The following BCAS3 variants were observed in gnomAD, a reference collection of about 807,000 sequenced individuals.
BCAS3 encodes BCAS3 microtubule associated cell migration factor.
Under a neutral mutation model 116.1 loss-of-function variants are expected in BCAS3, and 53 were observed. The ratio of observed to expected loss-of-function variants is 0.46; its 90% CI spans 0.37 to 0.57. The LOEUF (loss-of-function observed/expected upper bound fraction) is 0.57, where lower values mean the gene tolerates loss of function less well. Among genes scored for constraint, BCAS3 ranks in the 20% least tolerant of loss-of-function variants. The pLI, the probability that BCAS3 is intolerant of heterozygous loss-of-function variation, is 0.00. For missense variants in BCAS3, 917 were observed against 1,165.4 expected (o/e 0.79, Z 3.10); for synonymous variants, 391 against 408.2 (o/e 0.96, Z 0.51).
At chr17:61,143,328 T>A (rs2143949738) in intron 22 of BCAS3, among the ~76,000 whole-genome samples, 1 of 152,314 alleles carries the variant, frequency 6.6e-6, no homozygotes, top group African/African-American at 2.4e-5. Context: ...ATACCATACT[T>A]TAATATCAAT....
chr17:60,704,792 T>C (rs112377912), intron 4 of BCAS3, among the ~76,000 whole-genome samples: 10,520 of 151,540 alleles, frequency 0.069, 1,225 homozygotes, highest in African/African-American at 0.24. Context: ...TAGCTGAGAT[T>C]GTGCCACTGC....
chr17:61,357,269 T>TAAA lies in BCAS3; in HGVS notation c.2426-11058_2426-11057insAAA, dbSNP rs1441172159. ...AAAAATAAATAAATAAATAAATAAA[T>TAAA]TAATTAATTAAATAAATAAATAAAT... is the stretch of plus-strand genomic sequence containing the variant. On this transcript the variant is annotated intron_variant, in intron 22 of 23. Transcript: ENST00000407086. Among the ~76,000 whole-genome samples, 495 of 146,694 alleles carry TAAA rather than the reference T, an allele frequency of 3.4e-3. 1 individual carries two copies. The highest frequency in any genetic ancestry group is 0.012 in the African/African-American group (463 of 40,256).
chr17:61,121,499 C>G (rs1282459564), intron 22 of BCAS3, among the ~76,000 whole-genome samples: 10 of 151,990 alleles, frequency 6.6e-5, no homozygotes, highest in Admixed American at 6.6e-5. Context: ...TTTTAATGAA[C>G]TTAGAAGAGT....
chr17:60,829,906 T>TA (rs2050764109), intron 7 of BCAS3, among the ~76,000 whole-genome samples: 1 of 152,202 alleles, frequency 6.6e-6, no homozygotes, highest in Admixed American at 6.5e-5. Flanking sequence ...ATGTGCTTTT[T>TA]CTCCACTGGT....
At chr17:60,856,251 A>T (rs901579497) in intron 7 of BCAS3, among the ~76,000 whole-genome samples, 1 of 152,192 alleles carries the variant, frequency 6.6e-6, no homozygotes, top group African/African-American at 2.4e-5. Flanking sequence ...TTTTTTATTA[A>T]TGGAAGAAGG....
At chr17:61,125,109 G>A (rs1481527549) in intron 22 of BCAS3, among the ~76,000 whole-genome samples, 1 of 152,160 alleles carries the variant, frequency 6.6e-6, no homozygotes, top group East Asian at 1.9e-4. Flanking sequence ...CTAGGTATGT[G>A]TATATTTTTC....
chr17:61,084,416 G>T lies in BCAS3; in HGVS notation c.2328-51G>T. On this transcript the variant is annotated intron_variant, in intron 21 of 23. Coordinates refer to ENST00000407086, the MANE Select transcript of BCAS3 (RefSeq NM_017679.5). This position sits in a 1 kb window ranked among gnomAD's most constrained non-coding sequence, Gnocchi z 5.5. ...TGATTTAAGGTCATTTGTAGCAAGT[G>T]ACAGTTTTGATGCCAGTAACATATG... 1 of 1,430,768 alleles carries T rather than the reference G, an allele frequency of 7.0e-7. No homozygotes were observed. Among genetic ancestry groups the T allele is most frequent in the South Asian group, 1.2e-5 (1 of 83,158 alleles). 88.6% of individuals were successfully genotyped at this position (1,430,768 alleles called of 1,614,324 possible). A position where few individuals can be genotyped will look rare whatever the true frequency, so the allele number is the denominator to read the frequency against.
intron 3 of BCAS3, among the ~76,000 whole-genome samples, chr17:60,684,671 T>C (rs1388904289): frequency 6.6e-6 from 1 of 152,128 alleles, no homozygotes; most frequent in African/African-American, 2.4e-5. Context: ...TGGTAACTGG[T>C]AACTTGTAGC....
intron 15 of BCAS3, among the ~76,000 whole-genome samples, chr17:60,992,773 T>A (rs2063611232): frequency 1.3e-5 from 2 of 152,250 alleles, no homozygotes; most frequent in African/African-American, 4.8e-5. Flanking sequence ...TTTCAGCTAT[T>A]TGCTAGACAT....
rs544728330 is a variant in BCAS3 at position 61,203,448 on chromosome 17, G to A, written c.2425+118884G>A. Among the ~76,000 whole-genome samples the A allele has an allele frequency of 7.2e-5, 11 of 152,212 alleles. No individual in the cohort carries two copies. The highest frequency in any genetic ancestry group is 1.9e-4 in the East Asian group (1 of 5,172). The stretch of plus-strand genomic sequence containing the variant: ...TGGTATCACAGGTGTGAGCCACCGC[G>A]CCTGGGCTTCATTACAATTTTTATT... On this transcript the variant is annotated intron_variant, in intron 22 of 23. Coordinates refer to ENST00000407086, the MANE Select transcript of BCAS3 (RefSeq NM_017679.5). This position sits in a 1 kb window ranked among gnomAD's most constrained non-coding sequence, Gnocchi z 5.7.
At chr17:61,070,713 A>G (rs1396738657) in intron 19 of BCAS3, among the ~76,000 whole-genome samples, 1 of 152,140 alleles carries the variant, frequency 6.6e-6, no homozygotes, top group Non-Finnish European at 1.5e-5. Context: ...CTTCCCACAG[A>G]TAATTTATCC....
At chr17:61,280,983 A>C (rs2051193948) in intron 22 of BCAS3, among the ~76,000 whole-genome samples, 1 of 152,232 alleles carries the variant, frequency 6.6e-6, no homozygotes. Flanking sequence ...AAAATCAGGC[A>C]CAAAATGGTA....
intron 22 of BCAS3, among the ~76,000 whole-genome samples, chr17:61,164,179 CAT>C (rs1422714663): frequency 1.7e-4 from 26 of 149,680 alleles, no homozygotes; most frequent in African/African-American, 6.0e-4. Flanking sequence ...ACTATGGAAT[CAT>C]GTGTGTAGTA....
intron 7 of BCAS3, among the ~76,000 whole-genome samples, chr17:60,824,751 C>T (rs2050235397): frequency 6.6e-6 from 1 of 152,142 alleles, no homozygotes; most frequent in African/African-American, 2.4e-5. Context: ...TTTCTGTTTT[C>T]TAGTTATGCT....
chr17:61,074,113 G>GAA (rs917229045), intron 19 of BCAS3, among the ~76,000 whole-genome samples: 12 of 61,240 alleles, frequency 2.0e-4, no homozygotes, highest in African/African-American at 4.4e-4. Flanking sequence ...TATCTCTTAA[G>GAA]AAAAAAAAAA....
chr17:60,809,113 G>C (rs947317797), intron 7 of BCAS3, among the ~76,000 whole-genome samples: 2 of 151,944 alleles, frequency 1.3e-5, no homozygotes, highest in African/African-American at 4.8e-5. Context: ...GTGAAACCCT[G>C]TCTCTACTAA....
chr17:61,263,387 G>A (rs956417470), intron 22 of BCAS3, among the ~76,000 whole-genome samples: 2 of 152,206 alleles, frequency 1.3e-5, no homozygotes, highest in African/African-American at 4.8e-5. Context: ...ATAGGGGTGA[G>A]AGAGCCAAGG....
In BCAS3 at chr17:60,806,555, C is replaced by CT. The variant is rs536450898; in HGVS notation, c.404-1435dup. The stretch of plus-strand genomic sequence containing the variant: ...AGGTTGAGCATTTTTTCTTCTTAAT[C>CT]TTTTTTTTTTTTTTGAGACTGATTC... On this transcript the variant is annotated intron_variant, in intron 6 of 23. Coordinates refer to ENST00000407086, the MANE Select transcript of BCAS3 (RefSeq NM_017679.5). 2.2e-3 allele frequency among the ~76,000 whole-genome samples: 309 copies of CT among 142,548 alleles called. 2 individuals are homozygous for CT. The highest frequency in any genetic ancestry group is 0.014 in the Middle Eastern group (4 of 280). 93.5% of individuals were successfully genotyped at this position (142,548 alleles called of 152,430 possible).
chr17:61,025,702 G>A (rs1034450320), intron 16 of BCAS3, among the ~76,000 whole-genome samples: 5 of 151,942 alleles, frequency 3.3e-5, no homozygotes, highest in Non-Finnish European at 7.4e-5. Flanking sequence ...ATTGGCATTG[G>A]CATCATCTCT....
Sources: allele counts gnomAD v4.1 joint callset (sites outside exome capture counted in the v4.1 genomes callset), GRCh38; gene constraint gnomAD v4.1.1; non-coding constraint Gnocchi (gnomAD v3.1); transcripts MANE v1.5; gene names NCBI Gene and HGNC (gene_info 2026-07-23, HGNC 2026-07-21).